MAST4: variants seen among roughly 807,000 people sequenced by gnomAD.
MAST4 encodes the protein microtubule associated serine/threonine kinase family member 4.
A neutral mutation model predicts 162.7 loss-of-function variants in MAST4; 89 were observed. The observed-to-expected ratio is 0.55, with a 90% CI of 0.46 to 0.65. The LOEUF (loss-of-function observed/expected upper bound fraction) is 0.65, where lower values mean the gene tolerates loss of function less well. Among genes scored for constraint, MAST4 ranks in the 30% least tolerant of loss-of-function variants. MAST4 has a pLI of 0.00. For synonymous variants in MAST4, 1,479 were observed against 1,361.1 expected, an observed-to-expected ratio of 1.09 and a Z score of -1.91; for missense variants, 3,153 against 3,374.0, an observed-to-expected ratio of 0.93 and a Z score of 1.62.
At chr5:66,839,229 A>T (rs1758249413) in intron 3 of MAST4, among the ~76,000 whole-genome samples, 1 of 152,166 alleles carries the variant, frequency 6.6e-6, no homozygotes, top group South Asian at 2.1e-4. Context: ...GATGCTGAGA[A>T]GAGAATTAGT....
chr5:66,852,254 C>T (rs1759366779), intron 3 of MAST4, among the ~76,000 whole-genome samples: 1 of 152,116 alleles, frequency 6.6e-6, no homozygotes, highest in African/African-American at 2.4e-5. Flanking sequence ...CTCAGGTGGT[C>T]CTCCCACCAC....
chr5:67,153,403 G>A, intron 25 of MAST4, 55 bp from the exon 26 acceptor site: 1 of 1,544,518 alleles, frequency 6.5e-7, no homozygotes, highest in South Asian at 1.2e-5. Context: ...AGACACAGTA[G>A]GTGTTAGAGT....
At chr5:66,828,696 A>G in intron 3 of MAST4, 2 of 1,225,186 alleles carry the variant, frequency 1.6e-6, no homozygotes, top group East Asian at 2.6e-5. Flanking sequence ...GTGAATAACT[A>G]AGCTGGACCA....
Position 67,159,691 on chromosome 5 carries a change from C to T in MAST4, c.3649-765C>T, listed in dbSNP as rs372852850. Among the ~76,000 whole-genome samples the T allele has an allele frequency of 6.6e-5, 10 of 152,308 alleles. No homozygotes were observed. In the East Asian group the frequency reaches 1.2e-3, roughly 18 times the overall value. ...CTACCCACCTGCCCTGGGCCCCCCT[C>T]GGCCTGACTGCTGACTCCACGCTCA... On this transcript the variant is annotated intron_variant, in intron 26 of 28. Coordinates refer to ENST00000403625, the MANE Select transcript of MAST4 (RefSeq NM_001164664.2).
At position 66,878,896 on chromosome 5, in the gene MAST4, G is replaced by A. The variant is rs561209076; in HGVS notation, c.643-21055G>A. Among the ~76,000 whole-genome samples the A allele has an allele frequency of 3.3e-5, 5 of 152,260 alleles. No individual in the cohort carries two copies. The South Asian group carries it at 1.0e-3, about 32-fold the overall frequency. ...CCCTAACAATTCTATTGAAAAATGG[G>A]CAAAGGAAACAAATGAACAGTTCAC... is the stretch of plus-strand genomic sequence containing the variant. On this transcript the variant is annotated intron_variant, in intron 3 of 28. Transcript: ENST00000403625.
intron 4 of MAST4, among the ~76,000 whole-genome samples, chr5:67,033,839 A>C (rs949625049): frequency 1.8e-4 from 27 of 152,196 alleles, no homozygotes; most frequent in Non-Finnish European, 2.1e-4. Flanking sequence ...TTGTCAAATA[A>C]TATGGCATTG....
intron 1 of MAST4, among the ~76,000 whole-genome samples, chr5:66,690,084 T>C (rs2149494440): frequency 6.6e-6 from 1 of 152,290 alleles, no homozygotes; most frequent in South Asian, 2.1e-4. Context: ...ATGGAAAAGC[T>C]CTGGCTTAGG....
At chr5:66,777,362 AGAT>A (rs1754651624) in intron 2 of MAST4, among the ~76,000 whole-genome samples, 1 of 152,212 alleles carries the variant, frequency 6.6e-6, no homozygotes, top group Admixed American at 6.5e-5. Context: ...GCCTTTTGTC[AGAT>A]GATAGGTTCT....
At chr5:66,790,153 A>T (rs1755330278) in intron 3 of MAST4, among the ~76,000 whole-genome samples, 2 of 152,092 alleles carry the variant, frequency 1.3e-5, no homozygotes, top group Admixed American at 1.3e-4. Flanking sequence ...TGCAAATGAT[A>T]TATAAATCAA....
intron 1 of MAST4, among the ~76,000 whole-genome samples, chr5:66,609,392 CTT>C (rs373893029): frequency 4.7e-5 from 6 of 128,590 alleles, no homozygotes; most frequent in Admixed American, 8.0e-5. Flanking sequence ...CAATGCACTA[CTT>C]TTTTTTTTTT....
At chr5:66,927,387 T>A (rs1488928688) in intron 4 of MAST4, among the ~76,000 whole-genome samples, 1 of 152,224 alleles carries the variant, frequency 6.6e-6, no homozygotes, top group Non-Finnish European at 1.5e-5. Flanking sequence ...CATATCCAGG[T>A]GTTAACATCA....
intron 1 of MAST4, among the ~76,000 whole-genome samples, chr5:66,618,657 C>G (rs887839085): frequency 7.7e-6 from 1 of 129,438 alleles, no homozygotes; most frequent in East Asian, 2.9e-4. Flanking sequence ...TAACTAGATG[C>G]GACTTTTGAT....
intron 4 of MAST4, among the ~76,000 whole-genome samples, chr5:67,045,310 T>G (rs1413835750): frequency 1.3e-5 from 2 of 152,208 alleles, no homozygotes; most frequent in African/African-American, 4.8e-5. Flanking sequence ...CAAGTGATAC[T>G]GTGCTTGCCA....
At chr5:66,839,100 T>C (rs1250597169) in intron 3 of MAST4, among the ~76,000 whole-genome samples, 4 of 152,142 alleles carry the variant, frequency 2.6e-5, no homozygotes, top group Admixed American at 1.3e-4. Context: ...GAAGGTAGAA[T>C]TAACAGGACA....
chr5:66,693,547 G>C (rs1046462427), intron 1 of MAST4, among the ~76,000 whole-genome samples: 1 of 147,152 alleles, frequency 6.8e-6, no homozygotes, highest in African/African-American at 2.5e-5. Context: ...AGCAAGATGT[G>C]ATTTTAGGAA....
At chr5:66,655,636 G>C (rs567502701) in intron 1 of MAST4, among the ~76,000 whole-genome samples, 1 of 152,100 alleles carries the variant, frequency 6.6e-6, no homozygotes, top group Non-Finnish European at 1.5e-5. Flanking sequence ...ATACAAAGAC[G>C]GCTCTTTGCT....
At position 67,164,021 on chromosome 5, in the gene MAST4, C is replaced by T. The variant is rs777469689; in HGVS notation, c.4842C>T (p.Arg1614=). 3.1e-6 allele frequency: 5 copies of T among 1,589,068 alleles called. No homozygotes were observed. Among genetic ancestry groups the T allele is most frequent in the East Asian group, 4.6e-5 (2 of 43,858 alleles). Residue 1614 remains arginine, a synonymous_variant, in exon 29 of 29, where the codon CGC becomes CGT. Transcript: ENST00000403625. This position sits in a 1 kb window ranked among gnomAD's most constrained non-coding sequence, Gnocchi z 5.3. ...CTCTTCACAAGCAGGCCAGCGTGCG[C>T]GCCAGCGAGGGTGCGATGTCGGATG... is the stretch of plus-strand genomic sequence containing the variant. ...KDALHKQASV[R]ASEGAMSDGR... is the part of the protein sequence containing the mutation.
rs1039361353 is a variant in MAST4 at position 66,870,704 on chromosome 5, T to A, written c.643-29247T>A. On this transcript the variant is annotated intron_variant, in intron 3 of 28. Coordinates refer to ENST00000403625, the MANE Select transcript of MAST4 (RefSeq NM_001164664.2). Reference sequence around the variant, plus strand: ...ACTGTCCCTCTCCCTTTTCTGACCATTTCTCCATCATCCCACACCCCACCT... The same window carrying A: ...ACTGTCCCTCTCCCTTTTCTGACCAATTCTCCATCATCCCACACCCCACCT... The A allele has an allele frequency of 1.1e-5, 5 of 459,370 alleles. No individual in the cohort carries two copies. The East Asian group carries it at 3.5e-4, about 32-fold the overall frequency. 28.5% of individuals were successfully genotyped at this position (459,370 alleles called of 1,614,324 possible).
chr5:67,007,231 G>C (rs1752144148), intron 4 of MAST4, among the ~76,000 whole-genome samples: 1 of 152,110 alleles, frequency 6.6e-6, no homozygotes, highest in African/African-American at 2.4e-5. Context: ...CTTTTGAGAT[G>C]CCCCTTAACT....
Sources: gnomAD v4.1 joint callset for allele counts (sites outside exome capture counted in the v4.1 genomes callset) on GRCh38, gnomAD v4.1.1 for gene constraint, Gnocchi (gnomAD v3.1) non-coding constraint, MANE v1.5 for transcripts, NCBI Gene and HGNC (gene_info 2026-07-23, HGNC 2026-07-21) for gene names.